Variants in CLDN22 observed in about 807,000 individuals in gnomAD.
CLDN22 encodes the protein claudin 22.
For missense variants in CLDN22, 227 were observed against 252.2 expected (o/e 0.90, Z 0.68); for synonymous variants, 86 against 107.9 (o/e 0.80, Z 1.26).
rs956661998 is a variant in CLDN22 at position 183,318,412 on chromosome 4, C to T, written c.*1144G>A. On this transcript the variant is annotated 3_prime_UTR_variant, in exon 1 of 1. Transcript: ENST00000323319. The stretch of plus-strand genomic sequence containing the variant: ...TGTTTTAATTTGTCTTGTTTGTAAA[C>T]GTATGCAAATACATCACATAGATTA... 9 of 152,174 alleles carry T rather than the reference C, an allele frequency of 5.9e-5. No homozygotes were observed. Among genetic ancestry groups the T allele is most frequent in the Admixed American group, 2.6e-4 (4 of 15,254 alleles). The allele number at this position is 152,174 out of a possible 1,614,324, so 9.4% of individuals were successfully genotyped here.
Position 183,319,621 on chromosome 4 carries a change from C to T in CLDN22, c.598G>A (p.Ala200Thr), listed in dbSNP as rs562903430. Reference sequence around the variant, plus strand: ...TGATGATCTTGTGTTTGTGCCACTGCGTAGTGGCCCGAAGCTAGGGGAGCG... The same window carrying T: ...TGATGATCTTGTGTTTGTGCCACTGTGTAGTGGCCCGAAGCTAGGGGAGCG... ...SHAPLASGHYAVAQTQDHHQE... is the reference protein window; with the variant it reads ...SHAPLASGHYTVAQTQDHHQE... The change falls in exon 1 of 1, where the codon GCA (alanine) becomes ACA (threonine). Residue 200 changes from alanine to threonine, a missense_variant. Coordinates refer to ENST00000323319, the MANE Select transcript of CLDN22 (RefSeq NM_001111319.3). The T allele has an allele frequency of 1.1e-5, 17 of 1,614,060 alleles. No homozygotes were observed. The highest frequency in any genetic ancestry group is 1.7e-4 in the Middle Eastern group (1 of 6,060).
At position 183,319,559 on chromosome 4, in the gene CLDN22, G is replaced by A; in HGVS notation, c.660C>T (p.His220=). ...ELETRNTNLK[H] Reference sequence around the variant, plus strand: ...GCAGACGCTTGTCCTTTCTGGCTTAGTGTTTCAGGTTGGTGTTTCTCGTCT... The same window carrying A: ...GCAGACGCTTGTCCTTTCTGGCTTAATGTTTCAGGTTGGTGTTTCTCGTCT... Residue 220 remains histidine, a synonymous_variant, in exon 1 of 1, where the codon CAC becomes CAT. Coordinates refer to ENST00000323319, the MANE Select transcript of CLDN22 (RefSeq NM_001111319.3). 6.2e-7 allele frequency: 1 copy of A among 1,608,522 alleles called. No homozygotes were observed. Among genetic ancestry groups the A allele is most frequent in the Non-Finnish European group, 8.5e-7 (1 of 1,177,212 alleles).
In CLDN22 at chr4:183,319,797, G is replaced by A; in HGVS notation, c.422C>T (p.Ala141Val). 2 of 1,613,984 alleles carry A rather than the reference G, an allele frequency of 1.2e-6. No homozygotes were observed. Among genetic ancestry groups the A allele is most frequent in the Non-Finnish European group, 1.7e-6 (2 of 1,179,938 alleles). Reference protein sequence around the residue: ...VTALVPVSWVAHKTVQEFWDE... With the variant: ...VTALVPVSWVVHKTVQEFWDE... ...CCAGAACTCCTGAACCGTCTTGTGG[G>A]CAACCCAAGAGACGGGAACCAGGGC... is the stretch of plus-strand genomic sequence containing the variant. Residue 141 changes from alanine (A) to valine (V), a missense_variant, in exon 1 of 1, where the codon GCC (alanine) becomes GTC (valine). Physicochemically the swap from Ala to Val is moderately conservative, Grantham distance 64. Coordinates refer to ENST00000323319, the MANE Select transcript of CLDN22 (RefSeq NM_001111319.3).
rs1553982727 is a variant in CLDN22, at chr4:183,318,495, TAA to T, written c.*1059_*1060del. 2.7e-5 allele frequency: 4 copies of T among 149,536 alleles called. No individual in the cohort carries two copies. Among genetic ancestry groups the T allele is most frequent in the Admixed American group, 6.7e-5 (1 of 14,900 alleles). The allele number at this position is 149,536 out of a possible 1,614,324, so 9.3% of individuals were successfully genotyped here. ...TGGAAAAAAATTCAGTGGTTTTTTT[TAA>T]AAAAAAAAGCAAAAACAAAGCTACA... On this transcript the variant is annotated 3_prime_UTR_variant, in exon 1 of 1. Coordinates refer to ENST00000323319, the MANE Select transcript of CLDN22 (RefSeq NM_001111319.3).
At position 183,319,376 on chromosome 4, in the gene CLDN22, T is replaced by C; in HGVS notation, c.*180A>G. The C allele has an allele frequency of 1.5e-6, 1 of 673,314 alleles. No individual in the cohort carries two copies. The highest frequency in any genetic ancestry group is 2.5e-6 in the Non-Finnish European group (1 of 399,218). 41.7% of individuals were successfully genotyped at this position (673,314 alleles called of 1,614,324 possible). ...ACTATTCAGTCTTGATTGATTTTGG[T>C]CTCAGACTAGAAGATAAAAATGGTT... On this transcript the variant is annotated 3_prime_UTR_variant, in exon 1 of 1. Transcript: ENST00000323319.
Position 183,318,537 on chromosome 4 carries a change from C to G in CLDN22, c.*1019G>C, listed in dbSNP as rs1739520402. 1 of 152,024 alleles carries G rather than the reference C, an allele frequency of 6.6e-6. No homozygotes were observed. The highest frequency in any genetic ancestry group is 6.6e-5 in the Admixed American group (1 of 15,244). 9.4% of individuals were successfully genotyped at this position (152,024 alleles called of 1,614,324 possible). On this transcript the variant is annotated 3_prime_UTR_variant, in exon 1 of 1. Coordinates refer to ENST00000323319, the MANE Select transcript of CLDN22 (RefSeq NM_001111319.3). Reference sequence around the variant, plus strand: ...ACAAAGCTACATATTGCCTAATACTCTATTTCAGTGTCGTTTATTGTTCAG... The same window carrying G: ...ACAAAGCTACATATTGCCTAATACTGTATTTCAGTGTCGTTTATTGTTCAG...
Position 183,319,568 on chromosome 4 carries a change from G to C in CLDN22, c.651C>G (p.Asn217Lys). The C allele has an allele frequency of 6.2e-7, 1 of 1,611,594 alleles. No homozygotes were observed. The highest frequency in any genetic ancestry group is 8.5e-7 in the Non-Finnish European group (1 of 1,178,740). Residue 217 changes from asparagine to lysine, a missense_variant, in exon 1 of 1, where the codon AAC (asparagine) becomes AAG (lysine). Transcript: ENST00000323319. Reference protein sequence around the residue: ...HHQELETRNTNLKH With the variant: ...HHQELETRNTKLKH ...TGTCCTTTCTGGCTTAGTGTTTCAG[G>C]TTGGTGTTTCTCGTCTCCAGTTCTT...
chr4:183,319,380 A>G lies in CLDN22; in HGVS notation c.*176T>C, dbSNP rs1400392493. On this transcript the variant is annotated 3_prime_UTR_variant, in exon 1 of 1. Transcript: ENST00000323319. ...TTCAGTCTTGATTGATTTTGGTCTC[A>G]GACTAGAAGATAAAAATGGTTTACC... is the stretch of plus-strand genomic sequence containing the variant. The G allele has an allele frequency of 2.9e-6, 2 of 699,508 alleles. No individual in the cohort carries two copies. The highest frequency in any genetic ancestry group is 4.7e-6 in the Non-Finnish European group (2 of 421,292). 43.3% of individuals were successfully genotyped at this position (699,508 alleles called of 1,614,324 possible).
In CLDN22 at chr4:183,318,796, A is replaced by G. The variant is rs149645799; in HGVS notation, c.*760T>C. 3 of 152,362 alleles carry G rather than the reference A, an allele frequency of 2.0e-5. No homozygotes were observed. Among genetic ancestry groups the G allele is most frequent in the East Asian group, 3.9e-4 (2 of 5,188 alleles). The allele number at this position is 152,362 out of a possible 1,614,324, so 9.4% of individuals were successfully genotyped here. A position where few individuals can be genotyped will look rare whatever the true frequency, so the allele number is the denominator to read the frequency against. ...CGCCTGGGCTGGCAGTGTGCTCCAC[A>G]GAGAGGCAGCCGTCCCAGGAGGTTA... On this transcript the variant is annotated 3_prime_UTR_variant, in exon 1 of 1. Coordinates refer to ENST00000323319, the MANE Select transcript of CLDN22 (RefSeq NM_001111319.3).
rs1366427273 is a variant in CLDN22 at position 183,320,023 on chromosome 4, C to T, written c.196G>A (p.Asp66Asn). The change falls in exon 1 of 1, where the codon GAC becomes AAC. Residue 66 changes from aspartate (D) to asparagine (N), a missense_variant. Coordinates refer to ENST00000323319, the MANE Select transcript of CLDN22 (RefSeq NM_001111319.3). ...IQEEVGMQCK[D>N]FDSFLALPAE... ...GGCAAAGCCAGGAAGGAGTCAAAGT[C>T]CTTGCATTGCATCCCCACTTCCTCT... The T allele has an allele frequency of 6.2e-7, 1 of 1,613,984 alleles. No homozygotes were observed. The highest frequency in any genetic ancestry group is 8.5e-7 in the Non-Finnish European group (1 of 1,179,914).
In CLDN22 at chr4:183,319,591, C is replaced by T. The variant is rs1579086144; in HGVS notation, c.628G>A (p.Glu210Lys). The T allele has an allele frequency of 6.2e-7, 1 of 1,613,544 alleles. No individual in the cohort carries two copies. The highest frequency in any genetic ancestry group is 2.2e-5 in the East Asian group (1 of 44,886). Residue 210 changes from glutamate to lysine, a missense_variant, in exon 1 of 1, where the codon GAA becomes AAA. Physicochemically the swap from Glu to Lys is moderately conservative, Grantham distance 56. Coordinates refer to ENST00000323319, the MANE Select transcript of CLDN22 (RefSeq NM_001111319.3). ...AVAQTQDHHQ[E>K]LETRNTNLKH The stretch of plus-strand genomic sequence containing the variant: ...AGGTTGGTGTTTCTCGTCTCCAGTT[C>T]TTGATGATGATCTTGTGTTTGTGCC...
chr4:183,319,238 C>A lies in CLDN22; in HGVS notation c.*318G>T. The A allele has an allele frequency of 4.6e-6, 1 of 219,420 alleles. No homozygotes were observed. Among genetic ancestry groups the A allele is most frequent in the East Asian group, 9.8e-5 (1 of 10,164 alleles). 13.6% of individuals were successfully genotyped at this position (219,420 alleles called of 1,614,324 possible). A position where few individuals can be genotyped will look rare whatever the true frequency, so the allele number is the denominator to read the frequency against. On this transcript the variant is annotated 3_prime_UTR_variant, in exon 1 of 1. Coordinates refer to ENST00000323319, the MANE Select transcript of CLDN22 (RefSeq NM_001111319.3). ...GTAAATGATTTGCCAAATGATTCCG[C>A]TCCATATGAATAATACCTTCAAAGA...
rs1257303731 is a variant in CLDN22 at position 183,319,095 on chromosome 4, T to A, written c.*461A>T. The A allele has an allele frequency of 6.3e-6, 1 of 158,702 alleles. No individual in the cohort carries two copies. 9.8% of individuals were successfully genotyped at this position (158,702 alleles called of 1,614,324 possible). A position where few individuals can be genotyped will look rare whatever the true frequency, so the allele number is the denominator to read the frequency against. On this transcript the variant is annotated 3_prime_UTR_variant, in exon 1 of 1. Coordinates refer to ENST00000323319, the MANE Select transcript of CLDN22 (RefSeq NM_001111319.3). ...AGATGATGTGTCTACACCTTTCACC[T>A]CTGAAGCTTCTAAAGAGCTAGTAAT...
In CLDN22 at chr4:183,319,576, TTCTCG is replaced by T. The variant is rs1375686370; in HGVS notation, c.638_642del (p.Thr213LysfsTer27). 1 of 1,612,522 alleles carries T rather than the reference TTCTCG, an allele frequency of 6.2e-7. No homozygotes were observed. The highest frequency in any genetic ancestry group is 1.7e-5 in the Admixed American group (1 of 59,806). The stretch of plus-strand genomic sequence containing the variant: ...CTGGCTTAGTGTTTCAGGTTGGTGT[TTCTCG>T]TCTCCAGTTCTTGATGATGATCTTG... On this transcript the variant is annotated frameshift_variant, in exon 1 of 1. Coordinates refer to ENST00000323319, the MANE Select transcript of CLDN22 (RefSeq NM_001111319.3). LOFTEE classifies it high-confidence loss of function.
rs749279542 is a variant in CLDN22, at chr4:183,320,104, C to A, written c.115G>T (p.Asp39Tyr). The change falls in exon 1 of 1, where the codon GAC becomes TAC. Residue 39 changes from aspartate to tyrosine, a missense_variant. Physicochemically the swap from Asp to Tyr is radical, Grantham distance 160. Transcript: ENST00000323319. ...GTCCAGTTTTCCATTTCATTTAAGT[C>A]CAGGTTGAGGTTCTTCCAGTGTGGC... ...YLPHWKNLNLDLNEMENWTMG... is the reference protein window; with the variant it reads ...YLPHWKNLNLYLNEMENWTMG... 1 of 1,613,918 alleles carries A rather than the reference C, an allele frequency of 6.2e-7. No individual in the cohort carries two copies.
chr4:183,319,793 G>A lies in CLDN22; in HGVS notation c.426C>T (p.His142=). 6.2e-7 allele frequency: 1 copy of A among 1,614,052 alleles called. No homozygotes were observed. Among genetic ancestry groups the A allele is most frequent in the Non-Finnish European group, 8.5e-7 (1 of 1,179,956 alleles). The change falls in exon 1 of 1, where the codon CAC becomes CAT. Residue 142 remains histidine, a synonymous_variant. Coordinates refer to ENST00000323319, the MANE Select transcript of CLDN22 (RefSeq NM_001111319.3). ...CATCCCAGAACTCCTGAACCGTCTT[G>A]TGGGCAACCCAAGAGACGGGAACCA... The part of the protein sequence containing the change: ...TALVPVSWVA[H]KTVQEFWDEN...
Position 183,319,632 on chromosome 4 carries a change from G to C in CLDN22, c.587C>G (p.Ser196Trp), listed in dbSNP as rs756109582. The change falls in exon 1 of 1, where the codon TCG becomes TGG. Residue 196 changes from serine (S) to tryptophan (W), a missense_variant. Ser to Trp is a radical substitution (Grantham distance 177). Transcript: ENST00000323319. ...AACSSHAPLA[S>W]GHYAVAQTQD... Reference sequence around the variant, plus strand: ...TGTTTGTGCCACTGCGTAGTGGCCCGAAGCTAGGGGAGCGTGGCTGGAGCA... The same window carrying C: ...TGTTTGTGCCACTGCGTAGTGGCCCCAAGCTAGGGGAGCGTGGCTGGAGCA... 6.2e-7 allele frequency: 1 copy of C among 1,614,056 alleles called. No individual in the cohort carries two copies. The highest frequency in any genetic ancestry group is 1.7e-5 in the Admixed American group (1 of 60,020).
Position 183,318,461 on chromosome 4 carries a change from G to C in CLDN22, c.*1095C>G, listed in dbSNP as rs1210558883. On this transcript the variant is annotated 3_prime_UTR_variant, in exon 1 of 1. Transcript: ENST00000323319. ...TAACTGGTTTCTGCACTTTCCATGT[G>C]TTTGTGGGTGGAAAAAAATTCAGTG... The C allele has an allele frequency of 6.8e-6, 1 of 147,400 alleles. No homozygotes were observed. The highest frequency in any genetic ancestry group is 1.5e-5 in the Non-Finnish European group (1 of 67,064). 9.1% of individuals were successfully genotyped at this position (147,400 alleles called of 1,614,324 possible).
Position 183,318,199 on chromosome 4 carries a change from A to G in CLDN22, c.*1357T>C, listed in dbSNP as rs1241086011. ...GTATATTATTACAATTTTGTATATC[A>G]GAATCTTAAGTGTTACAGGTACAAA... On this transcript the variant is annotated 3_prime_UTR_variant, in exon 1 of 1. Coordinates refer to ENST00000323319, the MANE Select transcript of CLDN22 (RefSeq NM_001111319.3). 1 of 152,656 alleles carries G rather than the reference A, an allele frequency of 6.6e-6. No individual in the cohort carries two copies. The highest frequency in any genetic ancestry group is 6.5e-5 in the Admixed American group (1 of 15,282). 9.5% of individuals were successfully genotyped at this position (152,656 alleles called of 1,614,324 possible). A position where few individuals can be genotyped will look rare whatever the true frequency, so the allele number is the denominator to read the frequency against.
Sources: allele counts gnomAD v4.1 joint callset, GRCh38; gene constraint gnomAD v4.1.1; transcripts MANE v1.5; gene names NCBI Gene and HGNC (gene_info 2026-07-23, HGNC 2026-07-21).